Variants in ASXL1 observed in about 807,000 individuals in gnomAD.
ASXL1 encodes ASXL transcriptional regulator 1.
ASXL1 carries 65 observed loss-of-function variants against 89.1 expected under a neutral mutation model. The ratio of observed to expected loss-of-function variants is 0.73; its 90% CI spans 0.60 to 0.90. The LOEUF (loss-of-function observed/expected upper bound fraction) is 0.90, where lower values mean the gene tolerates loss of function less well. ASXL1 is among the 40% of genes least tolerant of loss of function. The pLI, the probability that ASXL1 is intolerant of heterozygous loss-of-function variation, is 0.00. For synonymous variants in ASXL1, 739 were observed against 746.9 expected, an observed-to-expected ratio of 0.99 and a Z score of 0.17; for missense variants, 1,786 against 1,942.9, an observed-to-expected ratio of 0.92 and a Z score of 1.52.
rs1325743890 is a variant in ASXL1 at position 32,432,867 on chromosome 20, T to TA, written c.980-12dup. On this transcript the variant is annotated splice_polypyrimidine_tract_variant and intron_variant, in intron 10 of 12. Transcript: ENST00000375687. ...CCGAATGCACTTACTAGAAGAGGTT[T>TA]ATTTCTCCCTAGGTGAATTTACTCA... 1.9e-6 allele frequency: 3 copies of TA among 1,613,614 alleles called. No individual in the cohort carries two copies. The South Asian group carries it at 3.3e-5, about 18-fold the overall frequency.
chr20:32,374,997 A>G (rs2048353501), intron 4 of ASXL1, among the ~76,000 whole-genome samples: 1 of 152,194 alleles, frequency 6.6e-6, no homozygotes, highest in Non-Finnish European at 1.5e-5. Flanking sequence ...TTTATTTCTT[A>G]CAGCTATGGA....
Position 32,433,361 on chromosome 20 carries a change from T to C in ASXL1, c.1163T>C (p.Val388Ala), listed in dbSNP as rs771344849. ...EEAEIKSGLCVPGESVRIQRG... is the reference protein window; with the variant it reads ...EEAEIKSGLCAPGESVRIQRG... The stretch of plus-strand genomic sequence containing the variant: ...GCTGAAATCAAAAGTGGCTTGTGTG[T>C]CCCAGGAGAATCAGTGCGTATACAG... Residue 388 changes from valine to alanine, a missense_variant, in exon 12 of 13, where the codon GTC becomes GCC. By Grantham distance (64) the Val-to-Ala change is moderately conservative. Around this residue, in one of 3 missense-constraint regions of ASXL1, gnomAD observed 1,418 missense variants for 1,427.8 expected, o/e 0.99. Coordinates refer to ENST00000375687, the MANE Select transcript of ASXL1 (RefSeq NM_015338.6). 1 of 1,614,100 alleles carries C rather than the reference T, an allele frequency of 6.2e-7. No homozygotes were observed. Among genetic ancestry groups the C allele is most frequent in the East Asian group, 2.2e-5 (1 of 44,888 alleles).
chr20:32,426,615 A>C (rs1390685875), intron 4 of ASXL1, among the ~76,000 whole-genome samples: 2 of 122,926 alleles, frequency 1.6e-5, no homozygotes, highest in East Asian at 2.9e-4. Flanking sequence ...GCTGGAGTGC[A>C]GTGGCGTAAT....
chr20:32,361,831 C>T (rs527645601), intron 1 of ASXL1, among the ~76,000 whole-genome samples: 1 of 151,736 alleles, frequency 6.6e-6, no homozygotes, highest in Non-Finnish European at 1.5e-5. Context: ...TTTGGGAGGC[C>T]GAGGCAGACG....
intron 4 of ASXL1, among the ~76,000 whole-genome samples, chr20:32,394,778 A>G (rs1600516937): frequency 1.3e-5 from 2 of 152,034 alleles, no homozygotes; most frequent in Admixed American, 6.5e-5. Context: ...CAGTGGTGCA[A>G]TCTTGGCTTA....
chr20:32,361,511 G>A (rs1297485943), intron 1 of ASXL1, among the ~76,000 whole-genome samples: 1 of 150,976 alleles, frequency 6.6e-6, no homozygotes, highest in East Asian at 2.0e-4. Context: ...GGTGGTGCAC[G>A]CCTGTAATCC....
intron 4 of ASXL1, among the ~76,000 whole-genome samples, chr20:32,398,016 G>A (rs989376440): frequency 2.6e-5 from 4 of 152,266 alleles, no homozygotes; most frequent in South Asian, 4.1e-4. Flanking sequence ...GGGTATTTAC[G>A]TATAGATCGG....
intron 4 of ASXL1, among the ~76,000 whole-genome samples, chr20:32,414,314 T>G (rs1372203892): frequency 6.6e-6 from 1 of 152,010 alleles, no homozygotes; most frequent in Admixed American, 6.5e-5. Flanking sequence ...TTTTTCTTTT[T>G]TTTTTTTAAT....
chr20:32,364,131 C>T (rs1489767010), intron 1 of ASXL1, among the ~76,000 whole-genome samples: 2 of 152,172 alleles, frequency 1.3e-5, no homozygotes, highest in African/African-American at 4.8e-5. Context: ...CTGTTCTTTA[C>T]CGGTGGGCCA....
At chr20:32,358,998 G>C (rs1462561276) in intron 1 of ASXL1, 166 bp downstream of exon 1, 1 of 740,492 alleles carries the variant, frequency 1.4e-6, no homozygotes, top group African/African-American at 1.8e-5. Flanking sequence ...GGTGGGGAGC[G>C]CTCCGCCGGG....
chr20:32,417,590 T>G (rs1221466548), intron 4 of ASXL1, among the ~76,000 whole-genome samples: 1 of 152,242 alleles, frequency 6.6e-6, no homozygotes, highest in African/African-American at 2.4e-5. Flanking sequence ...TTCCTTGTTT[T>G]AATTCTTCTT....
intron 4 of ASXL1, among the ~76,000 whole-genome samples, chr20:32,404,672 G>T (rs369625014): frequency 6.6e-6 from 1 of 152,122 alleles, no homozygotes; most frequent in African/African-American, 2.4e-5. Context: ...CTTGTTTGCT[G>T]TGTCGAATAT....
At chr20:32,366,059 G>A (rs188286551) in intron 1 of ASXL1, among the ~76,000 whole-genome samples, 48 of 152,252 alleles carry the variant, frequency 3.2e-4, no homozygotes, top group Admixed American at 2.4e-3. Context: ...TACATTTCTT[G>A]TGCAGCACTA....
At position 32,369,027 on chromosome 20, in the gene ASXL1, T is replaced by C. The variant is rs1309485767; in HGVS notation, c.156T>C (p.Pro52=). 1.2e-6 allele frequency: 2 copies of C among 1,613,620 alleles called. No individual in the cohort carries two copies. The part of the protein sequence containing the change: ...GLKEMRSGTS[P]LACLNAMLHS... ...TGTGGTTTTACAGTGGGACTTCCCC[T>C]CTCGCATGCCTCAATGCTATGCTAC... The change falls in exon 4 of 13, where the codon CCT becomes CCC. Residue 52 remains proline (P), a synonymous_variant. Coordinates refer to ENST00000375687, the MANE Select transcript of ASXL1 (RefSeq NM_015338.6).
At chr20:32,394,027 G>A (rs2048718885) in intron 4 of ASXL1, among the ~76,000 whole-genome samples, 1 of 133,432 alleles carries the variant, frequency 7.5e-6, no homozygotes, top group Non-Finnish European at 1.5e-5. Context: ...GTTTGAGACA[G>A]AGTCTCGCAC....
chr20:32,362,094 C>G (rs1306520843), intron 1 of ASXL1, among the ~76,000 whole-genome samples: 2 of 152,082 alleles, frequency 1.3e-5, no homozygotes, highest in Admixed American at 6.6e-5. Context: ...AACCAGTCCT[C>G]TTAATGTTTA....
chr20:32,392,385 C>T (rs148122105), intron 4 of ASXL1, among the ~76,000 whole-genome samples: 1 of 151,410 alleles, frequency 6.6e-6, no homozygotes, highest in African/African-American at 2.4e-5. Flanking sequence ...TGGGTTCAAG[C>T]AATTCTCCTG....
At chr20:32,367,131 A>G (rs2122818350) in intron 2 of ASXL1, among the ~76,000 whole-genome samples, 1 of 150,994 alleles carries the variant, frequency 6.6e-6, no homozygotes, top group Admixed American at 6.6e-5. Flanking sequence ...TAATCCCAGC[A>G]CTTTGGGAGG....
chr20:32,362,641 AAAAC>A (rs368417349), intron 1 of ASXL1, among the ~76,000 whole-genome samples: 5 of 152,384 alleles, frequency 3.3e-5, no homozygotes, highest in East Asian at 1.9e-4. Context: ...CTCTGTCTCA[AAAAC>A]AAACAAACAA....
Sources: gnomAD v4.1 joint callset for allele counts (sites outside exome capture counted in the v4.1 genomes callset) on GRCh38, gnomAD v4.1.1 for gene constraint, gnomAD v4.1.1 regional missense constraint, MANE v1.5 for transcripts, NCBI Gene and HGNC (gene_info 2026-07-23, HGNC 2026-07-21) for gene names.